CWF19L2: variants seen among roughly 807,000 people sequenced by gnomAD.
CWF19L2 encodes CWF19 like cell cycle control factor 2, also known as CWF19-like protein 2.
A neutral mutation model predicts 111.7 loss-of-function variants in CWF19L2; 98 were observed. That is an observed-to-expected ratio of 0.88 (90% CI 0.75 to 1.04). The LOEUF is 1.04. Ranked by LOEUF, CWF19L2 falls within the 50% of genes least tolerant of loss-of-function variation. The pLI is 0.00. For missense variants in CWF19L2, 1,101 were observed against 1,051.4 expected, an observed-to-expected ratio of 1.05 and a Z score of -0.65; for synonymous variants, 351 against 342.9, an observed-to-expected ratio of 1.02 and a Z score of -0.26.
Position 107,375,320 on chromosome 11 carries a change from T to A in CWF19L2, c.1872+14754A>T, listed in dbSNP as rs1434882155. ...CACCCCAAATCAACAGAATATACAT[T>A]TTTTTCAGCACCACACCACACCTAT... On this transcript the variant is annotated intron_variant, in intron 12 of 17. Coordinates refer to ENST00000282251, the MANE Select transcript of CWF19L2 (RefSeq NM_152434.3). Among the ~76,000 whole-genome samples, 3 of 135,668 alleles carry A rather than the reference T, an allele frequency of 2.2e-5. 1 individual carries two copies. The highest frequency in any genetic ancestry group is 4.7e-5 in the Non-Finnish European group (3 of 63,336). 89.0% of individuals were successfully genotyped at this position (135,668 alleles called of 152,430 possible).
At position 107,455,722 on chromosome 11, in the gene CWF19L2, C is replaced by T; in HGVS notation, c.160G>A (p.Gly54Ser). Residue 54 changes from glycine (G) to serine (S), a missense_variant, in exon 2 of 18, where the codon GGT becomes AGT. By Grantham distance (56) the Gly-to-Ser change is moderately conservative. Transcript: ENST00000282251. ...ERRKELKRLR[G>S]EDTWMLPDVN... ...TCAGGTAGCATCCATGTATCCTCAC[C>T]CCGAAGTCGCTTAAGTTCTTTACGC... 1.3e-6 allele frequency: 2 copies of T among 1,551,288 alleles called. No individual in the cohort carries two copies. Among genetic ancestry groups the T allele is most frequent in the Non-Finnish European group, 1.7e-6 (2 of 1,146,782 alleles).
At chr11:107,357,466 T>C (rs1335274534) in intron 12 of CWF19L2, among the ~76,000 whole-genome samples, 1 of 152,224 alleles carries the variant, frequency 6.6e-6, no homozygotes, top group Non-Finnish European at 1.5e-5. Context: ...GGAAAGTTCA[T>C]AAATGATCAC....
Position 107,392,668 on chromosome 11 carries a change from T to C in CWF19L2, c.1734+111A>G, listed in dbSNP as rs191564921. The C allele has an allele frequency of 6.9e-5, 40 of 580,414 alleles. 1 individual carries two copies. In the Admixed American group the frequency reaches 1.0e-3, roughly 15 times the overall value. The allele number at this position is 580,414 out of a possible 1,614,324, so 36.0% of individuals were successfully genotyped here. ...CAACATCATTTCCTACCTTCCAATA[T>C]TGGCATTCAAAAGCCACATTTCAGA... On this transcript the variant is annotated intron_variant, in intron 11 of 17. Coordinates refer to ENST00000282251, the MANE Select transcript of CWF19L2 (RefSeq NM_152434.3).
At chr11:107,334,645 T>C (rs510305) in intron 16 of CWF19L2, among the ~76,000 whole-genome samples, 79,874 of 152,084 alleles carry the variant, frequency 0.53, 21,647 homozygotes, top group African/African-American at 0.67. Context: ...TTATAGGGAC[T>C]ACAGTGGCAG....
intron 16 of CWF19L2, among the ~76,000 whole-genome samples, chr11:107,333,199 C>A (rs906519335): frequency 6.6e-6 from 1 of 152,002 alleles, no homozygotes; most frequent in African/African-American, 2.4e-5. Context: ...TTAATAAAGG[C>A]AATTGCTGCT....
intron 12 of CWF19L2, among the ~76,000 whole-genome samples, chr11:107,365,287 C>T (rs1488428072): frequency 7.3e-6 from 1 of 136,950 alleles, no homozygotes; most frequent in South Asian, 2.4e-4. Flanking sequence ...CTATTCCAAT[C>T]AATAGAAAAA....
At chr11:107,423,810 G>A (rs1243338392) in intron 8 of CWF19L2, among the ~76,000 whole-genome samples, 1 of 151,754 alleles carries the variant, frequency 6.6e-6, no homozygotes, top group African/African-American at 2.4e-5. Context: ...AAGAATTAAA[G>A]ACCAAGCCAT....
At chr11:107,435,349 G>A (rs946284287) in intron 6 of CWF19L2, among the ~76,000 whole-genome samples, 114 of 152,136 alleles carry the variant, frequency 7.5e-4, no homozygotes, top group African/African-American at 1.1e-3. Flanking sequence ...TCTACACAGC[G>A]GTAAGTAAAA....
At chr11:107,329,652 C>T (rs543258587) in intron 17 of CWF19L2, among the ~76,000 whole-genome samples, 23 of 152,308 alleles carry the variant, frequency 1.5e-4, no homozygotes, top group Non-Finnish European at 2.5e-4. Context: ...ATTCTCAACA[C>T]AAGCCTGGCT....
chr11:107,456,614 A>G (rs919947027), intron 1 of CWF19L2, among the ~76,000 whole-genome samples: 3 of 151,806 alleles, frequency 2.0e-5, no homozygotes, highest in Admixed American at 1.3e-4. Context: ...TTAAAGGTTT[A>G]TATCAGAGAA....
chr11:107,331,692 T>G (rs1231841006), intron 16 of CWF19L2, among the ~76,000 whole-genome samples: 1 of 152,230 alleles, frequency 6.6e-6, no homozygotes, highest in Non-Finnish European at 1.5e-5. Context: ...CCAATATGTT[T>G]GTGGTAATTT....
chr11:107,330,644 CCACACACACACACACA>C (rs56313409), intron 16 of CWF19L2, among the ~76,000 whole-genome samples: 1,452 of 121,662 alleles, frequency 0.012, 25 homozygotes, highest in African/African-American at 0.044. Flanking sequence ...ACCCCCCCCA[CCACACACACACACACA>C]CACACACACA....
Position 107,326,838 on chromosome 11 carries a change from T to C in CWF19L2, c.*72A>G. Reference sequence around the variant, plus strand: ...TCTCTGCCTGTGACCTGAGGGTCAGTTGCTTCATTAGATGCAATGGAAATA... The same window carrying C: ...TCTCTGCCTGTGACCTGAGGGTCAGCTGCTTCATTAGATGCAATGGAAATA... On this transcript the variant is annotated 3_prime_UTR_variant, in exon 18 of 18. Coordinates refer to ENST00000282251, the MANE Select transcript of CWF19L2 (RefSeq NM_152434.3). The C allele has an allele frequency of 2.2e-6, 3 of 1,337,590 alleles. No individual in the cohort carries two copies. Among genetic ancestry groups the C allele is most frequent in the Non-Finnish European group, 2.0e-6 (2 of 980,044 alleles). 82.9% of individuals were successfully genotyped at this position (1,337,590 alleles called of 1,614,324 possible). A position where few individuals can be genotyped will look rare whatever the true frequency, so the allele number is the denominator to read the frequency against.
intron 10 of CWF19L2, among the ~76,000 whole-genome samples, chr11:107,413,618 G>A (rs1176302991): frequency 2.6e-5 from 4 of 152,206 alleles, no homozygotes; most frequent in Non-Finnish European, 5.9e-5. Flanking sequence ...GTGTAAGATA[G>A]ACTTCACAGT....
At chr11:107,387,251 A>G (rs994035121) in intron 12 of CWF19L2, among the ~76,000 whole-genome samples, 1 of 152,064 alleles carries the variant, frequency 6.6e-6, no homozygotes, top group Non-Finnish European at 1.5e-5. Flanking sequence ...CAGCACCAGC[A>G]ATGCCCTGTA....
intron 10 of CWF19L2, among the ~76,000 whole-genome samples, chr11:107,396,133 GAC>G (rs1340774005): frequency 2.0e-5 from 3 of 152,064 alleles, no homozygotes; most frequent in Non-Finnish European, 4.4e-5. Context: ...TAAAATACGA[GAC>G]AGAAATGAAA....
rs765763896 is a variant in CWF19L2, at chr11:107,439,075, A to AAAATGTAG, written c.664+7_664+14dup. On this transcript the variant is annotated intron_variant, in intron 6 of 17. Transcript: ENST00000282251. ...AAAAAAACCCTGTGTGTCTATAATC[A>AAAATGTAG]AAATGTAGAAATACCTTTAGTAATC... is the stretch of plus-strand genomic sequence containing the variant. The AAAATGTAG allele has an allele frequency of 1.8e-5, 24 of 1,351,160 alleles. No individual in the cohort carries two copies. In the Admixed American group the frequency reaches 4.9e-4, roughly 28 times the overall value. 83.7% of individuals were successfully genotyped at this position (1,351,160 alleles called of 1,614,324 possible). A position where few individuals can be genotyped will look rare whatever the true frequency, so the allele number is the denominator to read the frequency against.
intron 12 of CWF19L2, among the ~76,000 whole-genome samples, chr11:107,372,881 G>A: frequency 7.7e-6 from 1 of 129,832 alleles, no homozygotes. Context: ...TCACTAGGGA[G>A]TGCCAGACAG....
chr11:107,334,638 T>C (rs1334040744), intron 16 of CWF19L2, among the ~76,000 whole-genome samples: 3 of 152,224 alleles, frequency 2.0e-5, no homozygotes, highest in South Asian at 2.1e-4. Flanking sequence ...TAGCCAATTA[T>C]AGGGACTACA....
Sources: gnomAD v4.1 joint callset for allele counts (sites outside exome capture counted in the v4.1 genomes callset) on GRCh38, gnomAD v4.1.1 for gene constraint, MANE v1.5 for transcripts, NCBI Gene and HGNC (gene_info 2026-07-23, HGNC 2026-07-21) for gene names.